Variants in ARHGEF33 observed in about 807,000 individuals in gnomAD.
The protein encoded by ARHGEF33 is DH and coiled-coil domain-containing protein ENSP00000381780.
A neutral mutation model predicts 101.9 loss-of-function variants in ARHGEF33; 72 were observed. That is an observed-to-expected ratio of 0.71 (90% CI 0.58 to 0.86). The LOEUF (loss-of-function observed/expected upper bound fraction) is 0.86, where lower values mean the gene tolerates loss of function less well. Ranked by LOEUF, ARHGEF33 falls within the 40% of genes least tolerant of loss-of-function variation. The pLI is 0.00. For synonymous variants in ARHGEF33, 499 were observed against 442.5 expected (o/e 1.13, Z -1.60); for missense variants, 1,169 against 1,111.3 (o/e 1.05, Z -0.74).
At chr2:38,943,797 T>C in intron 9 of ARHGEF33, 104 bp from the exon 10 acceptor site, 1 of 1,262,570 alleles carries the variant, frequency 7.9e-7, no homozygotes, top group East Asian at 2.6e-5. Context: ...GATGGTTTTT[T>C]TTTTATTGCT....
At chr2:38,966,810 G>C (rs1461431666) in intron 17 of ARHGEF33, among the ~76,000 whole-genome samples, 1 of 152,208 alleles carries the variant, frequency 6.6e-6, no homozygotes, top group African/African-American at 2.4e-5. Context: ...CAGTCTGGGA[G>C]GCAGTGGCCA....
Position 38,960,057 on chromosome 2 carries a change from G to A in ARHGEF33, c.1752G>A (p.Pro584=), listed in dbSNP as rs1188003235. The A allele has an allele frequency of 1.9e-6, 3 of 1,542,086 alleles. No individual in the cohort carries two copies. Among genetic ancestry groups the A allele is most frequent in the African/African-American group, 2.7e-5 (2 of 72,852 alleles). The change falls in exon 16 of 18, where the codon CCG becomes CCA. Residue 584 remains proline (P), a synonymous_variant. Coordinates refer to ENST00000409978, the MANE Select transcript of ARHGEF33 (RefSeq NM_001145451.5). ...AIPEMDFESS[P]AEPLGNVERS... is the part of the protein sequence containing the mutation. ...CGGAGATGGACTTCGAGTCCTCTCC[G>A]GCGGAGCCGCTGGGCAACGTGGAGC...
intron 9 of ARHGEF33, 85 bp downstream of exon 9, chr2:38,937,644 GT>G: frequency 1.2e-6 from 1 of 838,328 alleles, no homozygotes; most frequent in Non-Finnish European, 1.9e-6. Context: ...AATCCTTGCC[GT>G]TTAGATTCAG....
intron 2 of ARHGEF33, among the ~76,000 whole-genome samples, chr2:38,910,204 T>A (rs887153709): frequency 1.3e-5 from 2 of 152,204 alleles, no homozygotes; most frequent in African/African-American, 4.8e-5. Context: ...GATAAAAAAA[T>A]TTATACTGTT....
At chr2:38,966,464 T>C (rs1668053874) in intron 17 of ARHGEF33, among the ~76,000 whole-genome samples, 1 of 152,164 alleles carries the variant, frequency 6.6e-6, no homozygotes, top group Non-Finnish European at 1.5e-5. Context: ...AAAGCCCTTT[T>C]AGACTGGGAG....
chr2:38,905,504 CT>C (rs1666368863), intron 2 of ARHGEF33, among the ~76,000 whole-genome samples: 1 of 152,180 alleles, frequency 6.6e-6, no homozygotes, highest in Non-Finnish European at 1.5e-5. Context: ...GCTCCTTATA[CT>C]ACAGATGAGG....
At chr2:38,929,253 A>G (rs564433093) in intron 5 of ARHGEF33, among the ~76,000 whole-genome samples, 182 bp downstream of exon 5, 2 of 151,954 alleles carry the variant, frequency 1.3e-5, no homozygotes, top group Non-Finnish European at 2.9e-5. Flanking sequence ...ATATGGTGAA[A>G]CCCCGTCTCT....
Position 38,958,207 on chromosome 2 carries a change from C to A in ARHGEF33, c.1535+9C>A. 1 of 1,551,192 alleles carries A rather than the reference C, an allele frequency of 6.4e-7. No homozygotes were observed. Among genetic ancestry groups the A allele is most frequent in the South Asian group, 1.2e-5 (1 of 84,006 alleles). ...TCTGGCCCTGCCATCACGTAAGCAC[C>A]TGTTGCTGTGGGAAGGTTAATGCCA... On this transcript the variant is annotated intron_variant, in intron 15 of 17. Coordinates refer to ENST00000409978, the MANE Select transcript of ARHGEF33 (RefSeq NM_001145451.5).
At chr2:38,915,403 G>C (rs1193411299) in intron 2 of ARHGEF33, among the ~76,000 whole-genome samples, 1 of 45,246 alleles carries the variant, frequency 2.2e-5, no homozygotes, top group Admixed American at 2.2e-4. Context: ...TTTTTTTTTT[G>C]AGACAGAATT....
chr2:38,945,378 G>A (rs1667418981), intron 10 of ARHGEF33, among the ~76,000 whole-genome samples: 2 of 152,188 alleles, frequency 1.3e-5, no homozygotes, highest in Non-Finnish European at 1.5e-5. Flanking sequence ...ATTTTCAAGA[G>A]TTATTTTACT....
At chr2:38,972,756 C>T (rs1159036376) in intron 17 of ARHGEF33, among the ~76,000 whole-genome samples, 1 of 152,170 alleles carries the variant, frequency 6.6e-6, no homozygotes, top group Non-Finnish European at 1.5e-5. Context: ...CTCGGAGGCC[C>T]TGGATCCTTC....
intron 17 of ARHGEF33, among the ~76,000 whole-genome samples, chr2:38,968,723 T>TG (rs1429272065): frequency 3.3e-5 from 5 of 152,164 alleles, no homozygotes; most frequent in African/African-American, 1.2e-4. Flanking sequence ...AAATCCGAAG[T>TG]GTTGTCTGAG....
At chr2:38,903,253 A>C (rs1258776411) in intron 2 of ARHGEF33, among the ~76,000 whole-genome samples, 2 of 152,158 alleles carry the variant, frequency 1.3e-5, no homozygotes, top group African/African-American at 4.8e-5. Flanking sequence ...AAAAACTATG[A>C]TAACTGAATT....
In ARHGEF33 at chr2:38,960,552, G is replaced by C; in HGVS notation, c.2247G>C (p.Pro749=). The C allele has an allele frequency of 7.9e-7, 1 of 1,273,162 alleles. No individual in the cohort carries two copies. The highest frequency in any genetic ancestry group is 1.0e-6 in the Non-Finnish European group (1 of 996,546). 78.9% of individuals were successfully genotyped at this position (1,273,162 alleles called of 1,614,324 possible). A position where few individuals can be genotyped will look rare whatever the true frequency, so the allele number is the denominator to read the frequency against. ...AGCGCGCCGCGCAGGCGCACGGCCC[G>C]GCCGCCGCCGCCGTCGCCGCCCGCG... ...KAERAAQAHG[P]AAAAVAARGA... Residue 749 remains proline (P), a synonymous_variant, in exon 16 of 18, where the codon CCG becomes CCC. Coordinates refer to ENST00000409978, the MANE Select transcript of ARHGEF33 (RefSeq NM_001145451.5).
chr2:38,960,498 C>T lies in ARHGEF33; in HGVS notation c.2193C>T (p.Ser731=), dbSNP rs934409000. 2 of 1,358,690 alleles carry T rather than the reference C, an allele frequency of 1.5e-6. No individual in the cohort carries two copies. Among genetic ancestry groups the T allele is most frequent in the Admixed American group, 3.5e-5 (1 of 28,546 alleles). 84.2% of individuals were successfully genotyped at this position (1,358,690 alleles called of 1,614,324 possible). Residue 731 remains serine (S), a synonymous_variant, in exon 16 of 18, where the codon AGC becomes AGT. Transcript: ENST00000409978. ...CACGCCTCTACAGCACGCGCAGCAG[C>T]AGCGGCGGCCGCGCGCCCATCAAGG... ...VAPRLYSTRS[S]SGGRAPIKAE...
At chr2:38,966,917 T>C (rs1668063785) in intron 17 of ARHGEF33, among the ~76,000 whole-genome samples, 1 of 152,202 alleles carries the variant, frequency 6.6e-6, no homozygotes, top group South Asian at 2.1e-4. Flanking sequence ...GAGAGACTGC[T>C]GTTTCAATCT....
At chr2:38,940,513 T>G (rs1667276395) in intron 9 of ARHGEF33, among the ~76,000 whole-genome samples, 1 of 152,114 alleles carries the variant, frequency 6.6e-6, no homozygotes, top group South Asian at 2.1e-4. Context: ...CCTGGGACTT[T>G]CCAGTCTTCT....
intron 1 of ARHGEF33, among the ~76,000 whole-genome samples, chr2:38,895,102 C>T (rs1414660954): frequency 6.6e-6 from 1 of 152,172 alleles, no homozygotes; most frequent in Non-Finnish European, 1.5e-5. Flanking sequence ...CAGTCTCCCT[C>T]CCTCCAGGCT....
At chr2:38,891,534 C>G (rs1326109341) in intron 1 of ARHGEF33, among the ~76,000 whole-genome samples, 1 of 151,976 alleles carries the variant, frequency 6.6e-6, no homozygotes, top group Non-Finnish European at 1.5e-5. Flanking sequence ...ATTTTGCATA[C>G]AATTTCAGAA....
Sources: gnomAD v4.1 joint callset for allele counts (sites outside exome capture counted in the v4.1 genomes callset) on GRCh38, gnomAD v4.1.1 for gene constraint, MANE v1.5 for transcripts, NCBI Gene and HGNC (gene_info 2026-07-23, HGNC 2026-07-21) for gene names.